The following TRDN variants were observed in gnomAD, a reference collection of about 807,000 sequenced individuals.
TRDN encodes triadin.
In TRDN, 161 loss-of-function variants were observed where a neutral mutation model predicts 149.7. The observed-to-expected ratio is 1.08, with a 90% CI of 0.95 to 1.23. The LOEUF is 1.23. Ranked by LOEUF, TRDN falls within the 50% of genes most tolerant of loss-of-function variation. The pLI is 0.00. For synonymous variants in TRDN, 294 were observed against 250.5 expected (o/e 1.17, Z -1.64); for missense variants, 896 against 823.5 (o/e 1.09, Z -1.08).
At chr6:123,254,638 G>A (rs1776491391) in intron 37 of TRDN, among the ~76,000 whole-genome samples, 1 of 151,788 alleles carries the variant, frequency 6.6e-6, no homozygotes, top group Non-Finnish European at 1.5e-5. Context: ...TGTGCATGCT[G>A]GCATTTGCCT....
chr6:123,283,985 C>CATATATATATATATATAT lies in TRDN; in HGVS notation c.1511-4921_1511-4904dup, dbSNP rs57419103. On this transcript the variant is annotated intron_variant, in intron 24 of 40. Transcript: ENST00000334268. ...ATAGGTGCAGCACACCAACATGGCA[C>CATATATATATATATATAT]ATATATATATATATATATGTAACAA... 4.4e-3 allele frequency among the ~76,000 whole-genome samples: 251 copies of CATATATATATATATATAT among 57,160 alleles called. 34 individuals carry two copies. Among genetic ancestry groups the CATATATATATATATATAT allele is most frequent in the East Asian group, 0.027 (47 of 1,718 alleles). The allele number at this position is 57,160 out of a possible 152,430, so 37.5% of individuals were successfully genotyped here. A position where few individuals can be genotyped will look rare whatever the true frequency, so the allele number is the denominator to read the frequency against.
chr6:123,347,346 A>G (rs1481623231), intron 21 of TRDN, among the ~76,000 whole-genome samples: 3 of 152,060 alleles, frequency 2.0e-5, no homozygotes, highest in African/African-American at 2.4e-5. Flanking sequence ...ATCTCCAGAG[A>G]CATTAAGTTC....
At chr6:123,340,136 C>T (rs910856149) in intron 21 of TRDN, among the ~76,000 whole-genome samples, 2 of 152,038 alleles carry the variant, frequency 1.3e-5, no homozygotes, top group Non-Finnish European at 2.9e-5. Flanking sequence ...AATAGTGTTT[C>T]CTTTTCCTTC....
intron 33 of TRDN, among the ~76,000 whole-genome samples, chr6:123,263,344 A>G (rs1309680339): frequency 6.6e-6 from 1 of 152,068 alleles, no homozygotes; most frequent in African/African-American, 2.4e-5. Flanking sequence ...CTGCAGAAGA[A>G]AAGTTGGAAG....
chr6:123,364,454 T>C (rs1007141083), intron 20 of TRDN, among the ~76,000 whole-genome samples: 18 of 152,232 alleles, frequency 1.2e-4, no homozygotes, highest in African/African-American at 3.1e-4. Context: ...CTGGCCAACA[T>C]GGTGAAACCC....
chr6:123,562,527 A>G (rs1782056076), intron 2 of TRDN, among the ~76,000 whole-genome samples: 1 of 152,194 alleles, frequency 6.6e-6, no homozygotes, highest in African/African-American at 2.4e-5. Context: ...CACAGATACC[A>G]AAACTGCTGG....
At chr6:123,493,109 T>A (rs1048820874) in intron 9 of TRDN, among the ~76,000 whole-genome samples, 6 of 152,146 alleles carry the variant, frequency 3.9e-5, no homozygotes, top group African/African-American at 1.4e-4. Flanking sequence ...ATAATATACC[T>A]AAAATTACAA....
chr6:123,490,603 T>C (rs1778172151), intron 9 of TRDN, among the ~76,000 whole-genome samples: 1 of 152,192 alleles, frequency 6.6e-6, no homozygotes, highest in Admixed American at 6.5e-5. Context: ...TTTATCCTGT[T>C]ATATTTTGTG....
At chr6:123,315,235 T>C (rs1166353452) in intron 24 of TRDN, among the ~76,000 whole-genome samples, 1 of 151,920 alleles carries the variant, frequency 6.6e-6, no homozygotes, top group Non-Finnish European at 1.5e-5. Context: ...TGTACGCAGT[T>C]TTTCCTTTTC....
chr6:123,435,092 AATATAAC>A (rs1178750631), intron 12 of TRDN, among the ~76,000 whole-genome samples: 6 of 150,576 alleles, frequency 4.0e-5, no homozygotes, highest in East Asian at 3.9e-4. Context: ...ATAAAATAAT[AATATAAC>A]ATATAACATA....
chr6:123,522,203 C>T (rs1779715608), intron 5 of TRDN, among the ~76,000 whole-genome samples: 1 of 152,114 alleles, frequency 6.6e-6, no homozygotes. Flanking sequence ...GTAGCAGAAA[C>T]CTACTGTTCT....
intron 23 of TRDN, among the ~76,000 whole-genome samples, chr6:123,324,492 A>G (rs115139329): frequency 1.2e-3 from 184 of 152,156 alleles, no homozygotes; most frequent in African/African-American, 4.3e-3. Flanking sequence ...AATAAAACAA[A>G]AAAACCTTCA....
intron 12 of TRDN, among the ~76,000 whole-genome samples, chr6:123,414,161 A>T (rs141148186): frequency 7.9e-6 from 1 of 127,154 alleles, no homozygotes; most frequent in East Asian, 2.5e-4. Flanking sequence ...CCTATGCCAC[A>T]TCTTTGCATT....
intron 2 of TRDN, among the ~76,000 whole-genome samples, chr6:123,561,141 C>T (rs1781972100): frequency 1.3e-5 from 2 of 152,176 alleles, no homozygotes; most frequent in Non-Finnish European, 2.9e-5. Flanking sequence ...GTCATTTCTT[C>T]CCTTCTGTGA....
At chr6:123,333,514 GCCTTCGGTT>G (rs1779741490) in intron 22 of TRDN, among the ~76,000 whole-genome samples, 1 of 152,044 alleles carries the variant, frequency 6.6e-6, no homozygotes, top group South Asian at 2.1e-4. Flanking sequence ...CTGGCAAGAT[GCCTTCGGTT>G]CCTAGGCTGA....
At chr6:123,412,402 T>G (rs1033750885) in intron 12 of TRDN, among the ~76,000 whole-genome samples, 9 of 152,202 alleles carry the variant, frequency 5.9e-5, no homozygotes, top group African/African-American at 2.2e-4. Flanking sequence ...CAATAACTAG[T>G]CATATTTCAA....
At chr6:123,264,100 T>A (rs978300517) in intron 33 of TRDN, among the ~76,000 whole-genome samples, 3 of 151,936 alleles carry the variant, frequency 2.0e-5, no homozygotes, top group African/African-American at 7.2e-5. Flanking sequence ...GACTAAAGAG[T>A]AATTTTGACA....
chr6:123,608,132 C>A (rs1784606135), intron 1 of TRDN, among the ~76,000 whole-genome samples: 2 of 152,120 alleles, frequency 1.3e-5, no homozygotes, highest in South Asian at 2.1e-4. Context: ...AAATGGGCAA[C>A]CTTATATACA....
intron 20 of TRDN, among the ~76,000 whole-genome samples, chr6:123,358,860 G>A (rs1010838633): frequency 6.6e-6 from 1 of 152,142 alleles, no homozygotes. Context: ...GAAGTGAGGA[G>A]TGGTAAGAAA....
Sources: allele counts gnomAD v4.1 joint callset (sites outside exome capture counted in the v4.1 genomes callset), GRCh38; gene constraint gnomAD v4.1.1; transcripts MANE v1.5; gene names NCBI Gene and HGNC (gene_info 2026-07-23, HGNC 2026-07-21).